FMN2: variants seen among roughly 807,000 people sequenced by gnomAD.
The protein encoded by FMN2 is formin-2.
In FMN2, 51 loss-of-function variants were observed where a neutral mutation model predicts 142.3. That is an observed-to-expected ratio of 0.36 (90% CI 0.29 to 0.45). The LOEUF (loss-of-function observed/expected upper bound fraction) is 0.45, where lower values mean the gene tolerates loss of function less well. Ranked by LOEUF, FMN2 falls within the 20% of genes least tolerant of loss-of-function variation. The pLI is 1.00. For synonymous variants in FMN2, 882 were observed against 869.8 expected (o/e 1.01, Z -0.25); for missense variants, 1,936 against 2,122.8 (o/e 0.91, Z 1.73).
intron 3 of FMN2, among the ~76,000 whole-genome samples, chr1:240,183,296 C>G (rs1665229847): frequency 6.6e-6 from 1 of 151,464 alleles, no homozygotes; most frequent in Non-Finnish European, 1.5e-5. Flanking sequence ...CCAGGGGAGA[C>G]TTGGTAGTAT....
intron 13 of FMN2, among the ~76,000 whole-genome samples, chr1:240,347,722 T>C (rs1671956488): frequency 6.6e-6 from 1 of 152,140 alleles, no homozygotes; most frequent in South Asian, 2.1e-4. Context: ...ACCCCAGCGT[T>C]GATCGCGCTC....
intron 4 of FMN2, among the ~76,000 whole-genome samples, chr1:240,192,354 T>G (rs530619867): frequency 2.0e-5 from 3 of 152,188 alleles, no homozygotes; most frequent in Non-Finnish European, 4.4e-5. Context: ...TAAAAGTGAT[T>G]CTGAAGAAAT....
intron 14 of FMN2, 43 bp downstream of exon 14, chr1:240,355,951 CAAAA>C (rs58002724): frequency 5.5e-5 from 14 of 252,962 alleles, no homozygotes; most frequent in Admixed American, 1.1e-4. Flanking sequence ...CCCCTTTCAG[CAAAA>C]AAAAAAAAAA....
chr1:240,285,619 A>T (rs990075814), intron 7 of FMN2, among the ~76,000 whole-genome samples: 1 of 152,092 alleles, frequency 6.6e-6, no homozygotes, highest in African/African-American at 2.4e-5. Context: ...AATGGGGAAC[A>T]TTAGAAGTAG....
chr1:240,460,961 C>T (rs12074328), intron 16 of FMN2, among the ~76,000 whole-genome samples: 56,366 of 151,876 alleles, frequency 0.37, 10,793 homozygotes, highest in Middle Eastern at 0.52. Context: ...ATCTGTGTTT[C>T]AACAAGCCTT....
In FMN2 at chr1:240,208,362, A is replaced by T; in HGVS notation, c.3550A>T (p.Ile1184Leu). The T allele has an allele frequency of 6.5e-7, 1 of 1,535,820 alleles. No individual in the cohort carries two copies. Among genetic ancestry groups the T allele is most frequent in the Admixed American group, 1.8e-5 (1 of 55,092 alleles). Residue 1184 changes from isoleucine to leucine, a missense_variant, in exon 5 of 18, where the codon ATA (isoleucine) becomes TTA (leucine). Physicochemically the swap from Ile to Leu is conservative, Grantham distance 5. Coordinates refer to ENST00000319653, the MANE Select transcript of FMN2 (RefSeq NM_020066.5). Reference sequence around the variant, plus strand: ...TCCGCCCCCTCTACCTGGAGTGGGAATACCTCCTCCGCCCCCTCTACCTGG... The same window carrying T: ...TCCGCCCCCTCTACCTGGAGTGGGATTACCTCCTCCGCCCCCTCTACCTGG... ...PPPPPLPGVG[I>L]PPPPPLPGVG...
chr1:240,391,590 G>A (rs1486477382), intron 14 of FMN2, among the ~76,000 whole-genome samples: 1 of 151,380 alleles, frequency 6.6e-6, no homozygotes, highest in African/African-American at 2.4e-5. Context: ...TTTTTGTCCT[G>A]TTACTCAGTG....
chr1:240,297,679 A>G (rs1254779762), intron 8 of FMN2, among the ~76,000 whole-genome samples: 2 of 151,758 alleles, frequency 1.3e-5, no homozygotes, highest in African/African-American at 4.8e-5. Flanking sequence ...ATATAAATTT[A>G]TGACTCAGGA....
At chr1:240,386,144 C>T (rs1673399101) in intron 14 of FMN2, among the ~76,000 whole-genome samples, 1 of 152,098 alleles carries the variant, frequency 6.6e-6, no homozygotes, top group South Asian at 2.1e-4. Context: ...GTATGAACTA[C>T]TTAAATTTAC....
intron 7 of FMN2, among the ~76,000 whole-genome samples, chr1:240,293,442 TG>T (rs2102958210): frequency 6.6e-6 from 1 of 152,312 alleles, no homozygotes; most frequent in South Asian, 2.1e-4. Flanking sequence ...AGCTAGACTC[TG>T]CACAAATTGA....
At position 240,230,993 on chromosome 1, in the gene FMN2, T is replaced by C. The variant is rs929693148; in HGVS notation, c.4065+19758T>C. Among the ~76,000 whole-genome samples, 4 of 131,834 alleles carry C rather than the reference T, an allele frequency of 3.0e-5. 1 individual carries two copies. Among genetic ancestry groups the C allele is most frequent in the Admixed American group, 2.9e-4 (4 of 13,814 alleles). 86.5% of individuals were successfully genotyped at this position (131,834 alleles called of 152,430 possible). A position where few individuals can be genotyped will look rare whatever the true frequency, so the allele number is the denominator to read the frequency against. ...TTGAGTTGGTCTCCATCCTTTGAAC[T>C]GGCAAGGAAAGACACAGTAACTTGT... is the stretch of plus-strand genomic sequence containing the variant. On this transcript the variant is annotated intron_variant, in intron 6 of 17. Coordinates refer to ENST00000319653, the MANE Select transcript of FMN2 (RefSeq NM_020066.5).
chr1:240,150,933 C>T (rs1236296985), intron 2 of FMN2, among the ~76,000 whole-genome samples: 2 of 152,130 alleles, frequency 1.3e-5, no homozygotes, highest in Non-Finnish European at 2.9e-5. Flanking sequence ...CAGGTATGTT[C>T]AAAGGCAAAG....
chr1:240,200,159 G>T (rs992205972), intron 4 of FMN2, among the ~76,000 whole-genome samples: 1 of 152,266 alleles, frequency 6.6e-6, no homozygotes, highest in African/African-American at 2.4e-5. Context: ...ACAACAGAGC[G>T]CCTGGCAGTC....
At chr1:240,119,345 G>A (rs1038837460) in intron 1 of FMN2, among the ~76,000 whole-genome samples, 13 of 143,068 alleles carry the variant, frequency 9.1e-5, no homozygotes, top group Non-Finnish European at 1.7e-4. Context: ...AAAAAAAAAA[G>A]TGCCTCCACC....
intron 2 of FMN2, among the ~76,000 whole-genome samples, chr1:240,174,707 C>T (rs1664846968): frequency 6.6e-6 from 1 of 152,088 alleles, no homozygotes; most frequent in Admixed American, 6.5e-5. Context: ...ATCCATGTTA[C>T]CTCTTAAGAA....
intron 7 of FMN2, among the ~76,000 whole-genome samples, chr1:240,283,688 G>A (rs1669491124): frequency 6.6e-6 from 1 of 152,162 alleles, no homozygotes; most frequent in African/African-American, 2.4e-5. Flanking sequence ...ACAATAGAGG[G>A]AGTAGCTGGA....
At chr1:240,156,666 G>T (rs1664038048) in intron 2 of FMN2, among the ~76,000 whole-genome samples, 1 of 152,154 alleles carries the variant, frequency 6.6e-6, no homozygotes, top group Non-Finnish European at 1.5e-5. Flanking sequence ...CCCTAGGATG[G>T]TAAGAGAAAG....
In FMN2 at chr1:240,271,103, T is replaced by G. The variant is rs936646371; in HGVS notation, c.4153+13071T>G. On this transcript the variant is annotated intron_variant, in intron 7 of 17. Coordinates refer to ENST00000319653, the MANE Select transcript of FMN2 (RefSeq NM_020066.5). ...CCTAGGAACTTTCCACGATGGTTTT[T>G]TTTTTTTTTTTTTTGTGACTCTGTT... Among the ~76,000 whole-genome samples, 7 of 142,592 alleles carry G rather than the reference T, an allele frequency of 4.9e-5. No homozygotes were observed. In the South Asian group the frequency reaches 9.1e-4, roughly 19 times the overall value. The allele number at this position is 142,592 out of a possible 152,430, so 93.5% of individuals were successfully genotyped here. A position where few individuals can be genotyped will look rare whatever the true frequency, so the allele number is the denominator to read the frequency against.
At chr1:240,099,575 G>A (rs1355894279) in intron 1 of FMN2, among the ~76,000 whole-genome samples, 1 of 151,902 alleles carries the variant, frequency 6.6e-6, no homozygotes, top group African/African-American at 2.4e-5. Flanking sequence ...ACCTTCCCAC[G>A]GTCTCCTTCA....
Sources: gnomAD v4.1 joint callset for allele counts (sites outside exome capture counted in the v4.1 genomes callset) on GRCh38, gnomAD v4.1.1 for gene constraint, MANE v1.5 for transcripts, NCBI Gene and HGNC (gene_info 2026-07-23, HGNC 2026-07-21) for gene names.